Variants in GDA observed in about 807,000 individuals in gnomAD.
GDA encodes cytoplasmic PSD-95 interactor.
A neutral mutation model predicts 59.6 loss-of-function variants in GDA; 18 were observed. The observed-to-expected ratio is 0.30, with a 90% CI of 0.21 to 0.45. The LOEUF (loss-of-function observed/expected upper bound fraction) is 0.45. Among genes scored for constraint, GDA ranks in the 20% least tolerant of loss-of-function variants. GDA has a pLI of 1.00. For synonymous variants in GDA, 201 were observed against 201.1 expected (o/e 1.00, Z 0.00); for missense variants, 427 against 552.3 (o/e 0.77, Z 2.27).
chr9:72,195,997 G>C (rs1422547721), intron 2 of GDA, among the ~76,000 whole-genome samples: 1 of 152,092 alleles, frequency 6.6e-6, no homozygotes, highest in Admixed American at 6.5e-5. Flanking sequence ...AAACAAGGTG[G>C]GGAGGGGTAT....
intron 1 of GDA, among the ~76,000 whole-genome samples, chr9:72,184,134 A>G (rs2131119592): frequency 6.6e-6 from 1 of 152,322 alleles, no homozygotes; most frequent in South Asian, 2.1e-4. Flanking sequence ...GCCGGGACAC[A>G]TGCACAGCCC....
chr9:72,240,810 C>T (rs745525567), intron 10 of GDA, among the ~76,000 whole-genome samples: 7 of 152,156 alleles, frequency 4.6e-5, no homozygotes, highest in Non-Finnish European at 1.0e-4. Context: ...GGAGAATTCT[C>T]CCTTAGAGCT....
intron 2 of GDA, among the ~76,000 whole-genome samples, chr9:72,198,514 G>A (rs1833484620): frequency 6.9e-6 from 1 of 145,970 alleles, no homozygotes; most frequent in Non-Finnish European, 1.5e-5. Flanking sequence ...ACTACAGCCT[G>A]AGTGAGACTC....
chr9:72,168,924 G>A (rs183492958), intron 1 of GDA, among the ~76,000 whole-genome samples: 1 of 152,260 alleles, frequency 6.6e-6, no homozygotes. Flanking sequence ...GCTCTCATAT[G>A]GAATAAATTA....
In GDA at chr9:72,182,761, T is replaced by C. The variant is rs773572956; in HGVS notation, c.124-12739T>C. 7.9e-5 allele frequency among the ~76,000 whole-genome samples: 12 copies of C among 152,234 alleles called. 1 individual carries two copies. The highest frequency in any genetic ancestry group is 1.3e-4 in the Non-Finnish European group (9 of 68,042). On this transcript the variant is annotated intron_variant, in intron 1 of 13. Coordinates refer to ENST00000358399, the MANE Select transcript of GDA (RefSeq NM_004293.5). ...ATGCCAAATGCTCATTTTCTAATTG[T>C]GTAATTTCTTCCACATATATTAGTT...
intron 5 of GDA, 52 bp downstream of exon 5, chr9:72,214,043 A>G (rs764092421): frequency 3.0e-6 from 3 of 1,007,356 alleles, no homozygotes; most frequent in Non-Finnish European, 4.7e-6. Flanking sequence ...CCTGTGCTGC[A>G]CTGATGGAGT....
chr9:72,121,426 G>A (rs753048291), intron 1 of GDA, among the ~76,000 whole-genome samples: 2 of 152,032 alleles, frequency 1.3e-5, no homozygotes, highest in Non-Finnish European at 2.9e-5. Context: ...GGTGAATCCC[G>A]TCTCTACTAA....
At chr9:72,254,409 G>C (rs540570907), downstream of GDA, among the ~76,000 whole-genome samples, 1 of 151,812 alleles carries the variant, frequency 6.6e-6, no homozygotes, top group East Asian at 1.9e-4. Context: ...ACTAAAAAAA[G>C]TAAAAAATAA....
chr9:72,157,618 AT>A (rs1564173238), intron 1 of GDA, among the ~76,000 whole-genome samples: 6 of 152,204 alleles, frequency 3.9e-5, no homozygotes, highest in Non-Finnish European at 5.9e-5. Context: ...GAGCTAAAAT[AT>A]AACAGGAGAC....
At chr9:72,133,177 C>A (rs148415241) in intron 1 of GDA, among the ~76,000 whole-genome samples, 1 of 150,522 alleles carries the variant, frequency 6.6e-6, no homozygotes, top group Non-Finnish European at 1.5e-5. Flanking sequence ...GTAGTCCCAG[C>A]TACTTGGGAG....
At chr9:72,115,023 T>C (rs545841400) in intron 1 of GDA, among the ~76,000 whole-genome samples, 29 of 152,274 alleles carry the variant, frequency 1.9e-4, no homozygotes, top group Non-Finnish European at 3.7e-4. Context: ...TAACCCACCC[T>C]GTGGATTGAG....
intron 6 of GDA, among the ~76,000 whole-genome samples, 180 bp from the exon 7 acceptor site, chr9:72,222,940 T>G (rs1472746630): frequency 6.6e-6 from 1 of 152,194 alleles, no homozygotes; most frequent in African/African-American, 2.4e-5. Context: ...CTCCCGGCCC[T>G]CAGGTGATCC....
intron 8 of GDA, 34 bp downstream of exon 8, chr9:72,225,818 G>T: frequency 1.3e-6 from 1 of 791,630 alleles, no homozygotes; most frequent in Non-Finnish European, 2.1e-6. Context: ...TCTGTTTAAA[G>T]GAGGGCATAT....
chr9:72,162,007 C>A (rs377455718), intron 1 of GDA, among the ~76,000 whole-genome samples: 1 of 152,208 alleles, frequency 6.6e-6, no homozygotes, highest in Non-Finnish European at 1.5e-5. Context: ...TTCTCCTGAG[C>A]TATTTAACCT....
intron 1 of GDA, among the ~76,000 whole-genome samples, chr9:72,161,034 G>A (rs1028049636): frequency 5.9e-5 from 9 of 151,742 alleles, no homozygotes; most frequent in African/African-American, 1.9e-4. Flanking sequence ...CACCTCTCAA[G>A]TAGCTGGGAC....
At chr9:72,189,406 G>A (rs60131754) in intron 1 of GDA, among the ~76,000 whole-genome samples, 4,000 of 151,614 alleles carry the variant, frequency 0.026, 178 homozygotes, top group African/African-American at 0.092. Context: ...TCAAACTCCT[G>A]GGCGCAATTG....
At chr9:72,115,854 T>A (rs1354584869) in intron 1 of GDA, among the ~76,000 whole-genome samples, 1 of 152,136 alleles carries the variant, frequency 6.6e-6, no homozygotes, top group Non-Finnish European at 1.5e-5. Context: ...AAGGGGGAGA[T>A]GCAAATGAGC....
chr9:72,179,851 T>C (rs1412822848), intron 1 of GDA, among the ~76,000 whole-genome samples: 2 of 152,218 alleles, frequency 1.3e-5, no homozygotes, highest in African/African-American at 4.8e-5. Context: ...TCTTTCTATA[T>C]GTGTTCCTGT....
Position 72,248,748 on chromosome 9 carries a change from A to G in GDA, c.*406A>G. 1 of 998,454 alleles carries G rather than the reference A, an allele frequency of 1.0e-6. No individual in the cohort carries two copies. The highest frequency in any genetic ancestry group is 1.2e-6 in the Non-Finnish European group (1 of 836,178). 61.8% of individuals were successfully genotyped at this position (998,454 alleles called of 1,614,324 possible). A position where few individuals can be genotyped will look rare whatever the true frequency, so the allele number is the denominator to read the frequency against. ...AAATTAGAAGACTGAAAATGGACCC[A>G]TGAGAGTATATTTTTATGAGGGAGC... is the stretch of plus-strand genomic sequence containing the variant. On this transcript the variant is annotated 3_prime_UTR_variant, in exon 14 of 14. Transcript: ENST00000358399.
Sources: allele counts gnomAD v4.1 joint callset (sites outside exome capture counted in the v4.1 genomes callset), GRCh38; gene constraint gnomAD v4.1.1; transcripts MANE v1.5; gene names NCBI Gene and HGNC (gene_info 2026-07-23, HGNC 2026-07-21).